PIP4K2A: variants seen among roughly 807,000 people sequenced by gnomAD.
PIP4K2A encodes the protein phosphatidylinositol 5-phosphate 4-kinase type-2 alpha.
A neutral mutation model predicts 42.9 loss-of-function variants in PIP4K2A; 14 were observed. The ratio of observed to expected loss-of-function variants is 0.33; its 90% CI spans 0.22 to 0.51. The LOEUF (loss-of-function observed/expected upper bound fraction) is 0.51, where lower values mean the gene tolerates loss of function less well. Among genes scored for constraint, PIP4K2A ranks in the 20% least tolerant of loss-of-function variants. PIP4K2A has a pLI of 0.97. For synonymous variants in PIP4K2A, 192 were observed against 192.2 expected (o/e 1.00, Z 0.01); for missense variants, 434 against 519.8 (o/e 0.83, Z 1.61).
intron 3 of PIP4K2A, among the ~76,000 whole-genome samples, chr10:22,599,096 A>G (rs201399785): frequency 9.8e-4 from 9 of 9,138 alleles, no homozygotes; most frequent in African/African-American, 1.3e-3. Flanking sequence ...ACCTTTTGGG[A>G]AAAAAACGTC....
chr10:22,640,259 G>C (rs894695390), intron 1 of PIP4K2A, among the ~76,000 whole-genome samples: 3 of 152,090 alleles, frequency 2.0e-5, no homozygotes, highest in African/African-American at 4.8e-5. Context: ...CATCAAAGAA[G>C]GATGACGGCT....
chr10:22,597,982 C>G (rs534233399), intron 3 of PIP4K2A, among the ~76,000 whole-genome samples: 1 of 152,300 alleles, frequency 6.6e-6, no homozygotes, highest in East Asian at 1.9e-4. Flanking sequence ...TTGGAGAGAT[C>G]TACTCTCATT....
intron 3 of PIP4K2A, among the ~76,000 whole-genome samples, chr10:22,594,329 A>C (rs916811707): frequency 3.3e-5 from 5 of 152,356 alleles, no homozygotes; most frequent in African/African-American, 1.2e-4. Context: ...AATTCATGGC[A>C]TTTACTTTAC....
chr10:22,590,452 A>G (rs1192223340), intron 4 of PIP4K2A, among the ~76,000 whole-genome samples: 1 of 152,222 alleles, frequency 6.6e-6, no homozygotes, highest in Admixed American at 6.5e-5. Flanking sequence ...CCACACATTG[A>G]GTATCTAGTG....
intron 1 of PIP4K2A, among the ~76,000 whole-genome samples, chr10:22,627,185 C>A (rs7902016): frequency 6.6e-6 from 1 of 152,096 alleles, no homozygotes; most frequent in Non-Finnish European, 1.5e-5. Flanking sequence ...TCTCCATATG[C>A]TATGAACATG....
intron 1 of PIP4K2A, among the ~76,000 whole-genome samples, chr10:22,710,834 G>C (rs1833899906): frequency 6.6e-6 from 1 of 152,152 alleles, no homozygotes; most frequent in Admixed American, 6.5e-5. Flanking sequence ...TTTCTATACA[G>C]ATAATGTTTT....
chr10:22,538,696 G>A (rs548669981), intron 9 of PIP4K2A, among the ~76,000 whole-genome samples: 3 of 152,284 alleles, frequency 2.0e-5, no homozygotes, highest in South Asian at 2.1e-4. Context: ...CAGAAATGAC[G>A]GAATGGGGGT....
At chr10:22,605,860 C>T (rs1457621447) in intron 3 of PIP4K2A, among the ~76,000 whole-genome samples, 3 of 145,886 alleles carry the variant, frequency 2.1e-5, no homozygotes, top group Non-Finnish European at 1.5e-5. Context: ...AAAAAAAAAG[C>T]ACCTAGTTCA....
At chr10:22,547,907 GA>G (rs879820485) in intron 7 of PIP4K2A, among the ~76,000 whole-genome samples, 9 of 152,198 alleles carry the variant, frequency 5.9e-5, no homozygotes, top group Non-Finnish European at 1.0e-4. Flanking sequence ...TGCTGTTACA[GA>G]AAAACAGCAA....
chr10:22,665,003 TAAC>T (rs1839320745), intron 1 of PIP4K2A, among the ~76,000 whole-genome samples: 2 of 151,974 alleles, frequency 1.3e-5, no homozygotes, highest in African/African-American at 4.8e-5. Flanking sequence ...GAAAAAAACA[TAAC>T]ATTATTGTAA....
At chr10:22,710,615 A>T (rs376645449) in intron 1 of PIP4K2A, among the ~76,000 whole-genome samples, 1 of 151,910 alleles carries the variant, frequency 6.6e-6, no homozygotes, top group South Asian at 2.1e-4. Context: ...GCACTCACAC[A>T]CCCACACACT....
intron 5 of PIP4K2A, among the ~76,000 whole-genome samples, chr10:22,569,290 G>GA (rs1836924851): frequency 6.6e-6 from 1 of 152,184 alleles, no homozygotes; most frequent in Non-Finnish European, 1.5e-5. Flanking sequence ...CTGGCCCAGG[G>GA]AAAATGTTCA....
chr10:22,665,266 C>T (rs757182697), intron 1 of PIP4K2A, among the ~76,000 whole-genome samples: 2 of 152,142 alleles, frequency 1.3e-5, no homozygotes, highest in African/African-American at 2.4e-5. Context: ...AAATGCTTTG[C>T]GTTTTAAAAA....
chr10:22,558,789 T>C (rs1200494056), intron 6 of PIP4K2A, among the ~76,000 whole-genome samples: 1 of 152,346 alleles, frequency 6.6e-6, no homozygotes, highest in Admixed American at 6.5e-5. Flanking sequence ...AAAGAGAATA[T>C]ACCTCAACAT....
intron 4 of PIP4K2A, among the ~76,000 whole-genome samples, chr10:22,578,384 C>G (rs529444540): frequency 6.6e-6 from 1 of 152,316 alleles, no homozygotes; most frequent in Admixed American, 6.5e-5. Context: ...TCTCAATGAC[C>G]TTTGAGTGGT....
chr10:22,569,125 T>A (rs1836919640), intron 5 of PIP4K2A: 1 of 1,104,618 alleles, frequency 9.1e-7, no homozygotes, highest in African/African-American at 1.5e-5. Flanking sequence ...GGATTGAGCT[T>A]CCTGCAATTC....
At chr10:22,579,653 C>A (rs1396539965) in intron 4 of PIP4K2A, among the ~76,000 whole-genome samples, 2 of 152,146 alleles carry the variant, frequency 1.3e-5, no homozygotes, top group African/African-American at 2.4e-5. Context: ...CGCATGTAAT[C>A]CCAGCACTTT....
intron 3 of PIP4K2A, among the ~76,000 whole-genome samples, chr10:22,592,985 C>G (rs535607671): frequency 6.6e-6 from 1 of 152,246 alleles, no homozygotes; most frequent in South Asian, 2.1e-4. Context: ...TGATAGATAG[C>G]TCTGCCCATG....
chr10:22,693,076 T>G (rs955343297), intron 1 of PIP4K2A, among the ~76,000 whole-genome samples: 1 of 152,154 alleles, frequency 6.6e-6, no homozygotes, highest in South Asian at 2.1e-4. Context: ...TTTTAATCGA[T>G]TGGGGTCATA....
Sources: allele counts gnomAD v4.1 joint callset (sites outside exome capture counted in the v4.1 genomes callset), GRCh38; gene constraint gnomAD v4.1.1; transcripts MANE v1.5; gene names NCBI Gene and HGNC (gene_info 2026-07-23, HGNC 2026-07-21).